PPM1L: variants seen among roughly 807,000 people sequenced by gnomAD.
PPM1L encodes protein phosphatase, Mg2+/Mn2+ dependent 1L, also known as protein phosphatase 1L.
Under a neutral mutation model 31.4 loss-of-function variants are expected in PPM1L, and 13 were observed. The observed-to-expected ratio is 0.41, with a 90% confidence interval of 0.27 to 0.66. PPM1L has a LOEUF of 0.66. Among genes scored for constraint, PPM1L ranks in the 30% least tolerant of loss-of-function variants. PPM1L has a pLI of 0.29. For missense variants in PPM1L, 326 were observed against 453.7 expected, an observed-to-expected ratio of 0.72 and a Z score of 2.56; for synonymous variants, 184 against 175.4, an observed-to-expected ratio of 1.05 and a Z score of -0.39.
intron 1 of PPM1L, among the ~76,000 whole-genome samples, chr3:160,829,338 A>G (rs542805403): frequency 6.6e-6 from 1 of 152,270 alleles, no homozygotes; most frequent in Admixed American, 6.5e-5. Flanking sequence ...CGGATGAAAC[A>G]AGGGAGCACA....
intron 1 of PPM1L, among the ~76,000 whole-genome samples, chr3:160,810,663 AC>A (rs1224833647): frequency 6.6e-6 from 1 of 152,248 alleles, no homozygotes; most frequent in African/African-American, 2.4e-5. Context: ...GCACATAGCT[AC>A]TAGCATTTGC....
At chr3:160,876,044 A>G (rs748666338) in intron 1 of PPM1L, among the ~76,000 whole-genome samples, 2 of 152,236 alleles carry the variant, frequency 1.3e-5, no homozygotes, top group African/African-American at 2.4e-5. Context: ...TATTAGGAAG[A>G]ATATGCAAAC....
At chr3:160,889,351 A>G (rs951870656) in intron 1 of PPM1L, among the ~76,000 whole-genome samples, 6 of 152,234 alleles carry the variant, frequency 3.9e-5, no homozygotes, top group Non-Finnish European at 7.3e-5. Flanking sequence ...ACAAACTACC[A>G]TCAGAGAATA....
chr3:160,944,832 ATATATAT>A (rs1559897043), intron 1 of PPM1L, among the ~76,000 whole-genome samples: 1 of 57,062 alleles, frequency 1.8e-5, no homozygotes, highest in African/African-American at 5.8e-5. Context: ...TATATATAAC[ATATATAT>A]GTTATATATA....
intron 1 of PPM1L, among the ~76,000 whole-genome samples, chr3:160,951,257 A>T (rs1715568574): frequency 1.3e-5 from 2 of 152,242 alleles, no homozygotes; most frequent in African/African-American, 4.8e-5. Context: ...CAAAAACATC[A>T]TGAAACTAGT....
chr3:160,839,924 C>T (rs1270477454), intron 1 of PPM1L, among the ~76,000 whole-genome samples: 1 of 152,042 alleles, frequency 6.6e-6, no homozygotes, highest in Non-Finnish European at 1.5e-5. Context: ...ATGCATTTTT[C>T]CTATTTGAAT....
At chr3:160,966,749 G>A (rs1716160238) in intron 2 of PPM1L, among the ~76,000 whole-genome samples, 1 of 152,074 alleles carries the variant, frequency 6.6e-6, no homozygotes, top group South Asian at 2.1e-4. Context: ...ACAGTAAGTA[G>A]TGAGAGCAAA....
At chr3:160,938,428 AATATG>A (rs1715050649) in intron 1 of PPM1L, among the ~76,000 whole-genome samples, 1 of 152,182 alleles carries the variant, frequency 6.6e-6, no homozygotes, top group African/African-American at 2.4e-5. Flanking sequence ...ATTACCACTT[AATATG>A]ATAGCTGCAA....
chr3:161,069,186 C>T lies in PPM1L; in HGVS notation c.*29C>T. On this transcript the variant is annotated 3_prime_UTR_variant, in exon 4 of 4. Coordinates refer to ENST00000498165, the MANE Select transcript of PPM1L (RefSeq NM_139245.4). The stretch of plus-strand genomic sequence containing the variant: ...CTTCAGGGGTCTCAGCTGCCTTAGA[C>T]TAAAGGACTTTCAACACACTGGTCT... 1 of 1,522,426 alleles carries T rather than the reference C, an allele frequency of 6.6e-7. No homozygotes were observed. Among genetic ancestry groups the T allele is most frequent in the Non-Finnish European group, 9.0e-7 (1 of 1,117,068 alleles). The allele number at this position is 1,522,426 out of a possible 1,614,324, so 94.3% of individuals were successfully genotyped here.
intron 1 of PPM1L, among the ~76,000 whole-genome samples, chr3:160,852,196 AT>A (rs1711548078): frequency 6.6e-6 from 1 of 152,228 alleles, no homozygotes; most frequent in Non-Finnish European, 1.5e-5. Flanking sequence ...GAGAAGTAAG[AT>A]TTATGGCAAC....
At chr3:160,822,796 A>G (rs1713240279) in intron 1 of PPM1L, among the ~76,000 whole-genome samples, 1 of 152,146 alleles carries the variant, frequency 6.6e-6, no homozygotes. Context: ...TTTATTTAAC[A>G]AATAGTGGAG....
At chr3:161,015,672 T>C (rs1055702870) in intron 2 of PPM1L, among the ~76,000 whole-genome samples, 1 of 152,156 alleles carries the variant, frequency 6.6e-6, no homozygotes, top group African/African-American at 2.4e-5. Context: ...CTGGATTCAG[T>C]GGTTCTCTTG....
intron 1 of PPM1L, among the ~76,000 whole-genome samples, chr3:160,760,722 G>GT (rs1176498755): frequency 1.7e-3 from 239 of 143,450 alleles, no homozygotes; most frequent in Non-Finnish European, 2.9e-3. Flanking sequence ...TTTTTTTTTT[G>GT]TTTTTTTTTT....
At chr3:160,923,170 T>C (rs925426510) in intron 1 of PPM1L, among the ~76,000 whole-genome samples, 3 of 152,310 alleles carry the variant, frequency 2.0e-5, no homozygotes, top group Admixed American at 2.0e-4. Context: ...TATTCACTGA[T>C]GAGGTTTATT....
chr3:160,913,664 A>G (rs957585189), intron 1 of PPM1L, among the ~76,000 whole-genome samples: 1 of 152,076 alleles, frequency 6.6e-6, no homozygotes, highest in Non-Finnish European at 1.5e-5. Context: ...ATGTACTCTT[A>G]TATCTGGCTT....
intron 2 of PPM1L, among the ~76,000 whole-genome samples, chr3:161,036,931 CCTCTCATTTTTGAATCGT>C (rs1718757324): frequency 6.6e-6 from 1 of 152,116 alleles, no homozygotes; most frequent in Non-Finnish European, 1.5e-5. Flanking sequence ...CTCTAGGAAG[CCTCTCATTTTTGAATCGT>C]AAAAAAGGTC....
chr3:160,818,438 T>G (rs187972082), intron 1 of PPM1L, among the ~76,000 whole-genome samples: 38 of 152,216 alleles, frequency 2.5e-4, no homozygotes, highest in Admixed American at 1.3e-3. Flanking sequence ...GATGTCCAAC[T>G]GAGTTTTTAA....
At chr3:161,068,610 G>A (rs933465625) in intron 3 of PPM1L, among the ~76,000 whole-genome samples, 3 of 152,160 alleles carry the variant, frequency 2.0e-5, no homozygotes, top group African/African-American at 7.2e-5. Flanking sequence ...CCTTCAAGAT[G>A]CCAGGATGAG....
At chr3:161,000,997 A>G (rs549728573) in intron 2 of PPM1L, among the ~76,000 whole-genome samples, 5 of 152,336 alleles carry the variant, frequency 3.3e-5, no homozygotes, top group Admixed American at 3.3e-4. Flanking sequence ...TTTACTTCCT[A>G]AGATTTTAAA....
Sources: allele counts gnomAD v4.1 joint callset (sites outside exome capture counted in the v4.1 genomes callset), GRCh38; gene constraint gnomAD v4.1.1; transcripts MANE v1.5; gene names NCBI Gene and HGNC (gene_info 2026-07-23, HGNC 2026-07-21).